The following GK5 variants were observed in gnomAD, a reference collection of about 807,000 sequenced individuals.
The protein encoded by GK5 is ATP:glycerol 3-phosphotransferase 5.
A neutral mutation model predicts 77.3 loss-of-function variants in GK5; 39 were observed. The observed-to-expected ratio is 0.50, with a 90% confidence interval of 0.39 to 0.66. GK5 has a LOEUF of 0.66. GK5 is among the 30% of genes least tolerant of loss of function. The probability of loss-of-function intolerance (pLI) is 0.00; values close to 1 mark genes in which losing one functional copy is unlikely to be tolerated. For synonymous variants in GK5, 211 were observed against 208.0 expected (o/e 1.01, Z -0.13); for missense variants, 487 against 633.8 (o/e 0.77, Z 2.49).
intron 3 of GK5, among the ~76,000 whole-genome samples, chr3:142,212,509 C>A (rs2064200740): frequency 6.6e-6 from 1 of 151,954 alleles, no homozygotes; most frequent in African/African-American, 2.4e-5. Flanking sequence ...ACACTCCAGC[C>A]TGGGTAACAG....
chr3:142,212,964 A>C (rs1163985641), intron 3 of GK5, among the ~76,000 whole-genome samples: 2 of 150,810 alleles, frequency 1.3e-5, no homozygotes, highest in Admixed American at 1.3e-4. Context: ...CCTCCCGAGT[A>C]GCTGGGACTA....
At chr3:142,215,415 T>G (rs1170693645) in intron 2 of GK5, among the ~76,000 whole-genome samples, 184 bp downstream of exon 2, 1 of 152,188 alleles carries the variant, frequency 6.6e-6, no homozygotes, top group African/African-American at 2.4e-5. Flanking sequence ...AGATGTTACC[T>G]TTCCCTGACA....
chr3:142,184,192 C>T (rs1438520377), intron 9 of GK5, among the ~76,000 whole-genome samples: 5 of 127,644 alleles, frequency 3.9e-5, no homozygotes, highest in African/African-American at 1.2e-4. Flanking sequence ...GCCTGGAAGG[C>T]GGAGCTTGCA....
chr3:142,190,147 T>C (rs1394401742), intron 5 of GK5, among the ~76,000 whole-genome samples: 1 of 152,048 alleles, frequency 6.6e-6, no homozygotes, highest in Non-Finnish European at 1.5e-5. Flanking sequence ...AATAGCACAT[T>C]AGAAACAATT....
chr3:142,183,151 G>A (rs1577117336), intron 9 of GK5, 102 bp from the exon 10 acceptor site: 12 of 1,053,640 alleles, frequency 1.1e-5, no homozygotes, highest in South Asian at 5.5e-5. Context: ...AAACATCTTC[G>A]TTTCTTTTTC....
Position 142,165,046 on chromosome 3 carries a change from A to C in GK5, c.*576T>G, listed in dbSNP as rs912629025. On this transcript the variant is annotated 3_prime_UTR_variant, in exon 16 of 16. Coordinates refer to ENST00000392993, the MANE Select transcript of GK5 (RefSeq NM_001039547.3). ...TTAAGACCAGTAAAGGAAAGCATTA[A>C]CTATCTCATAAGCTTATCTGAGAGG... The C allele has an allele frequency of 2.0e-5, 3 of 152,656 alleles. No homozygotes were observed. Among genetic ancestry groups the C allele is most frequent in the Non-Finnish European group, 4.4e-5 (3 of 68,030 alleles). The allele number at this position is 152,656 out of a possible 1,614,324, so 9.5% of individuals were successfully genotyped here.
chr3:142,224,252 C>A (rs1246127653), intron 1 of GK5, among the ~76,000 whole-genome samples: 1 of 151,876 alleles, frequency 6.6e-6, no homozygotes, highest in Non-Finnish European at 1.5e-5. Flanking sequence ...TTAAAAAATA[C>A]AAACAAATTT....
chr3:142,215,065 A>AAGCAAAGCCACTT (rs1396851723), intron 2 of GK5, among the ~76,000 whole-genome samples: 4 of 152,216 alleles, frequency 2.6e-5, no homozygotes, highest in Non-Finnish European at 4.4e-5. Context: ...AATCTTTGCC[A>AAGCAAAGCCACTT]TGTTCTCAAG....
chr3:142,191,065 C>T (rs190090722), intron 5 of GK5, among the ~76,000 whole-genome samples: 3 of 151,218 alleles, frequency 2.0e-5, no homozygotes, highest in Admixed American at 1.3e-4. Flanking sequence ...TTTTTTGAGA[C>T]AGAGTCTGGC....
chr3:142,191,544 G>C (rs1054785979), intron 5 of GK5, among the ~76,000 whole-genome samples: 1 of 151,316 alleles, frequency 6.6e-6, no homozygotes, highest in African/African-American at 2.4e-5. Context: ...TCTATTAAAA[G>C]TGAAAAAATT....
chr3:142,209,734 T>C (rs866287764), intron 3 of GK5, among the ~76,000 whole-genome samples: 4 of 152,318 alleles, frequency 2.6e-5, no homozygotes, highest in South Asian at 2.1e-4. Context: ...ACCTATATAA[T>C]GAGATTGTAA....
intron 11 of GK5, among the ~76,000 whole-genome samples, chr3:142,177,857 CTTTTT>C (rs370889965): frequency 7.8e-6 from 1 of 128,192 alleles, no homozygotes; most frequent in Non-Finnish European, 1.6e-5. Context: ...CGTTTTTTTT[CTTTTT>C]TTTTTTTTTT....
At chr3:142,202,731 C>T (rs758610314) in intron 4 of GK5, among the ~76,000 whole-genome samples, 8 of 151,944 alleles carry the variant, frequency 5.3e-5, no homozygotes, top group Non-Finnish European at 7.4e-5. Context: ...CTGAGGTGGG[C>T]GGATCACGTG....
At chr3:142,169,838 A>G (rs1487271513) in intron 15 of GK5, among the ~76,000 whole-genome samples, 4 of 151,804 alleles carry the variant, frequency 2.6e-5, no homozygotes, top group Non-Finnish European at 5.9e-5. Context: ...ATGCTCAGCT[A>G]ATTTTTGAAC....
At position 142,165,416 on chromosome 3, in the gene GK5, G is replaced by T; in HGVS notation, c.*206C>A. 2.4e-6 allele frequency: 1 copy of T among 416,528 alleles called. No homozygotes were observed. The allele number at this position is 416,528 out of a possible 1,614,324, so 25.8% of individuals were successfully genotyped here. Reference sequence around the variant, plus strand: ...CAAAATAGAAGATATAAAGTTTTGAGGTATTGCTGCCTTACCATGGTTTAG... The same window carrying T: ...CAAAATAGAAGATATAAAGTTTTGATGTATTGCTGCCTTACCATGGTTTAG... On this transcript the variant is annotated 3_prime_UTR_variant, in exon 16 of 16. Transcript: ENST00000392993.
rs1560216348 is a variant in GK5, at chr3:142,182,984, G to A, written c.882C>T (p.Thr294=). Residue 294 remains threonine, a synonymous_variant, in exon 10 of 16, where the codon ACC becomes ACT. Transcript: ENST00000392993. ...CCFQTGDVKL[T]MGTGTFLDIN... ...TATCCAAAAATGTCCCAGTTCCCATGGTTAATTTCACATCACCTGTCTGGA... is the reference window on the plus strand; with the variant it reads ...TATCCAAAAATGTCCCAGTTCCCATAGTTAATTTCACATCACCTGTCTGGA... 1.2e-6 allele frequency: 2 copies of A among 1,612,632 alleles called. No homozygotes were observed. The highest frequency in any genetic ancestry group is 1.7e-6 in the Non-Finnish European group (2 of 1,178,882).
At chr3:142,181,069 C>G (rs961900048) in intron 11 of GK5, among the ~76,000 whole-genome samples, 1 of 152,152 alleles carries the variant, frequency 6.6e-6, no homozygotes. Flanking sequence ...AATTATCGTA[C>G]GTGAACAGCA....
Sources: allele counts gnomAD v4.1 joint callset (sites outside exome capture counted in the v4.1 genomes callset), GRCh38; gene constraint gnomAD v4.1.1; transcripts MANE v1.5; gene names NCBI Gene and HGNC (gene_info 2026-07-23, HGNC 2026-07-21).